The following FNBP1L variants were observed in gnomAD, a reference collection of about 807,000 sequenced individuals.
FNBP1L encodes formin binding protein 1 like, also known as formin-binding protein 1-like.
A neutral mutation model predicts 91.2 loss-of-function variants in FNBP1L; 36 were observed. The ratio of observed to expected loss-of-function variants is 0.39; its 90% CI spans 0.30 to 0.52. FNBP1L has a LOEUF of 0.52. FNBP1L is among the 20% of genes least tolerant of loss of function. The pLI is 0.66. For synonymous variants in FNBP1L, 242 were observed against 237.0 expected (o/e 1.02, Z -0.19); for missense variants, 571 against 732.1 (o/e 0.78, Z 2.54).
intron 11 of FNBP1L, among the ~76,000 whole-genome samples, chr1:93,542,775 C>A (rs1570870489): frequency 7.1e-6 from 1 of 139,898 alleles, no homozygotes; most frequent in South Asian, 2.2e-4. Context: ...CTTTTCTTTA[C>A]CTTTTTTTTT....
At chr1:93,525,629 C>T (rs546944870) in intron 5 of FNBP1L, among the ~76,000 whole-genome samples, 2 of 152,024 alleles carry the variant, frequency 1.3e-5, no homozygotes, top group Non-Finnish European at 2.9e-5. Context: ...GGTGTTGGCA[C>T]AAATTATTCT....
intron 5 of FNBP1L, among the ~76,000 whole-genome samples, chr1:93,527,940 A>G (rs1490728124): frequency 1.3e-5 from 2 of 152,134 alleles, no homozygotes; most frequent in Non-Finnish European, 2.9e-5. Flanking sequence ...TATTATTTTA[A>G]AAGAAACATA....
chr1:93,492,861 G>A (rs1017128889), intron 1 of FNBP1L, among the ~76,000 whole-genome samples: 1 of 152,104 alleles, frequency 6.6e-6, no homozygotes. Flanking sequence ...ATAGGCAAAC[G>A]ATAAGAAATG....
At chr1:93,517,713 C>G (rs1238163226) in intron 2 of FNBP1L, among the ~76,000 whole-genome samples, 2 of 151,608 alleles carry the variant, frequency 1.3e-5, no homozygotes, top group Non-Finnish European at 2.9e-5. Context: ...TTCATCCTTA[C>G]TGTTCTTCTG....
chr1:93,470,340 C>A (rs1448351448), intron 1 of FNBP1L, among the ~76,000 whole-genome samples: 1 of 152,070 alleles, frequency 6.6e-6, no homozygotes, highest in Non-Finnish European at 1.5e-5. Flanking sequence ...GTTGCCCAAG[C>A]TGGTCTTAAA....
Position 93,551,045 on chromosome 1 carries a change from G to A in FNBP1L, c.1750G>A (p.Gly584Ser), listed in dbSNP as rs1384780548. The change falls in exon 16 of 17, where the codon GGT becomes AGT. Residue 584 changes from glycine to serine, a missense_variant. Transcript: ENST00000271234. The part of the protein sequence containing the change: ...DGWTRARRQN[G>S]EEGYVPTSYI... ...ATGGACAAGAGCTCGGAGACAGAAC[G>A]GTGAAGAAGGCTACGTTCCCACGTC... 2.5e-6 allele frequency: 4 copies of A among 1,612,744 alleles called. No homozygotes were observed. The highest frequency in any genetic ancestry group is 3.4e-6 in the Non-Finnish European group (4 of 1,179,206).
chr1:93,529,387 G>GAAAGGACAAA (rs1671599262), intron 5 of FNBP1L, among the ~76,000 whole-genome samples: 1 of 151,976 alleles, frequency 6.6e-6, no homozygotes, highest in African/African-American at 2.4e-5. Context: ...TTAGTGCGCA[G>GAAAGGACAAA]TTCATTTCCA....
At chr1:93,467,005 C>T (rs1048231334) in intron 1 of FNBP1L, among the ~76,000 whole-genome samples, 2 of 152,160 alleles carry the variant, frequency 1.3e-5, no homozygotes, top group East Asian at 1.9e-4. Flanking sequence ...TACAGGTGTG[C>T]GCCACCATAC....
At chr1:93,548,670 C>A (rs573534629) in intron 14 of FNBP1L, among the ~76,000 whole-genome samples, 1 of 152,240 alleles carries the variant, frequency 6.6e-6, no homozygotes, top group South Asian at 2.1e-4. Context: ...GTGCTTTCTA[C>A]TGTGTTGGCT....
chr1:93,478,109 T>G (rs1669558203), intron 1 of FNBP1L, among the ~76,000 whole-genome samples: 1 of 152,218 alleles, frequency 6.6e-6, no homozygotes, highest in African/African-American at 2.4e-5. Context: ...GAACTGATAG[T>G]TCAAGAATGT....
chr1:93,511,469 A>C (rs1670840074), intron 2 of FNBP1L, among the ~76,000 whole-genome samples: 1 of 152,220 alleles, frequency 6.6e-6, no homozygotes, highest in African/African-American at 2.4e-5. Flanking sequence ...TAAACATGGA[A>C]AGGAACAACC....
intron 1 of FNBP1L, among the ~76,000 whole-genome samples, chr1:93,479,030 T>TGGGGGAACC (rs982406526): frequency 7.2e-5 from 11 of 152,238 alleles, no homozygotes; most frequent in Admixed American, 6.5e-4. Flanking sequence ...TATCCCTTAT[T>TGGGGGAACC]GGGGGAACCC....
chr1:93,516,444 G>A (rs1331234089), intron 2 of FNBP1L, among the ~76,000 whole-genome samples: 1 of 152,120 alleles, frequency 6.6e-6, no homozygotes, highest in African/African-American at 2.4e-5. Flanking sequence ...GTGTTCTAAA[G>A]CCCCACCTTC....
intron 1 of FNBP1L, among the ~76,000 whole-genome samples, chr1:93,482,643 A>G (rs1194238312): frequency 6.6e-6 from 1 of 152,112 alleles, no homozygotes; most frequent in African/African-American, 2.4e-5. Context: ...CTGTAATCCT[A>G]CCACTTTGAG....
intron 10 of FNBP1L, among the ~76,000 whole-genome samples, chr1:93,538,233 A>C (rs1314340306): frequency 6.6e-6 from 1 of 150,508 alleles, no homozygotes; most frequent in Non-Finnish European, 1.5e-5. Flanking sequence ...TGAACCCTGG[A>C]GAGAAGCTTA....
At chr1:93,539,078 A>G (rs1671940887) in intron 10 of FNBP1L, among the ~76,000 whole-genome samples, 1 of 151,992 alleles carries the variant, frequency 6.6e-6, no homozygotes, top group Admixed American at 6.6e-5. Context: ...TTTTTACTCT[A>G]TTGCTACTTT....
chr1:93,479,661 G>T (rs114771367), intron 1 of FNBP1L, among the ~76,000 whole-genome samples: 2,022 of 152,252 alleles, frequency 0.013, 32 homozygotes, highest in Non-Finnish European at 0.02. Flanking sequence ...GCTAGGAAAA[G>T]AATTTAGCGA....
intron 2 of FNBP1L, among the ~76,000 whole-genome samples, chr1:93,504,668 C>T (rs1187544463): frequency 2.6e-5 from 4 of 152,186 alleles, no homozygotes; most frequent in Non-Finnish European, 5.9e-5. Flanking sequence ...TGCAAGTAGC[C>T]ACCCTAATCG....
chr1:93,516,253 A>T (rs1671107083), intron 2 of FNBP1L, among the ~76,000 whole-genome samples: 1 of 152,212 alleles, frequency 6.6e-6, no homozygotes. Flanking sequence ...CTACTTTAAA[A>T]TGGAAGTGAG....
Sources: gnomAD v4.1 joint callset for allele counts (sites outside exome capture counted in the v4.1 genomes callset) on GRCh38, gnomAD v4.1.1 for gene constraint, MANE v1.5 for transcripts, NCBI Gene and HGNC (gene_info 2026-07-23, HGNC 2026-07-21) for gene names.